The following CHL1 variants were observed in gnomAD, a reference collection of about 807,000 sequenced individuals.
CHL1 encodes the protein neural cell adhesion molecule L1-like protein.
CHL1 carries 96 observed loss-of-function variants against 141.9 expected under a neutral mutation model. The observed-to-expected ratio is 0.68, with a 90% CI of 0.57 to 0.80. The LOEUF is 0.80. Ranked by LOEUF, CHL1 falls within the 30% of genes least tolerant of loss-of-function variation. The probability of loss-of-function intolerance (pLI) is 0.00; values close to 1 mark genes in which losing one functional copy is unlikely to be tolerated. For missense variants in CHL1, 1,820 were observed against 1,457.2 expected (o/e 1.25, Z -4.05); for synonymous variants, 613 against 502.2 (o/e 1.22, Z -2.95).
intron 23 of CHL1, 76 bp from the exon 24 acceptor site, chr3:394,617 G>A (rs1575282716): frequency 2.9e-6 from 3 of 1,050,656 alleles, no homozygotes; most frequent in South Asian, 3.0e-5. Flanking sequence ...CAAGCATAAG[G>A]AGAAATGAAA....
intron 15 of CHL1, 81 bp downstream of exon 15, chr3:366,196 C>T (rs1704855073): frequency 6.0e-6 from 8 of 1,334,230 alleles, no homozygotes; most frequent in Admixed American, 1.9e-5. Flanking sequence ...CTAGGTCGGG[C>T]ATGCTGACTC....
intron 2 of CHL1, among the ~76,000 whole-genome samples, chr3:277,144 A>G (rs1193397926): frequency 6.6e-6 from 1 of 152,186 alleles, no homozygotes; most frequent in African/African-American, 2.4e-5. Context: ...TGTTTGTTAC[A>G]TGAGTATTCA....
chr3:369,364 G>A (rs909099816), intron 15 of CHL1, among the ~76,000 whole-genome samples: 1 of 151,986 alleles, frequency 6.6e-6, no homozygotes, highest in African/African-American at 2.4e-5. Flanking sequence ...TGTAGCAATT[G>A]TGAATGGGAG....
At chr3:259,181 A>G (rs992290971) in intron 2 of CHL1, among the ~76,000 whole-genome samples, 3 of 152,096 alleles carry the variant, frequency 2.0e-5, no homozygotes, top group African/African-American at 7.2e-5. Context: ...TCAGCCTCCA[A>G]AAATGCTGGG....
intron 2 of CHL1, among the ~76,000 whole-genome samples, chr3:309,584 A>G (rs1265576672): frequency 6.7e-6 from 1 of 148,674 alleles, no homozygotes; most frequent in Non-Finnish European, 1.5e-5. Context: ...ATCATAGCTC[A>G]CTCTAGCCCG....
intron 2 of CHL1, among the ~76,000 whole-genome samples, chr3:311,727 G>C (rs1699769209): frequency 6.6e-6 from 1 of 152,206 alleles, no homozygotes; most frequent in African/African-American, 2.4e-5. Context: ...AATGTGAAAA[G>C]TGGTTACCTG....
rs771423332 is a variant in CHL1 at position 382,614 on chromosome 3, G to A, written c.2119G>A (p.Glu707Lys). 2.4e-5 allele frequency: 39 copies of A among 1,613,708 alleles called. No individual in the cohort carries two copies. The highest frequency in any genetic ancestry group is 4.0e-5 in the African/African-American group (3 of 74,888). Residue 707 changes from glutamate to lysine, a missense_variant, in exon 18 of 28, where the codon GAA becomes AAA. Physicochemically the swap from Glu to Lys is moderately conservative, Grantham distance 56 (BLOSUM62 1). Transcript: ENST00000256509. ...RYQFRVIAVNEVGRSQPSQPS... is the reference protein window; with the variant it reads ...RYQFRVIAVNKVGRSQPSQPS... ...CCAGTTCAGGGTCATAGCCGTGAAC[G>A]AAGTAGGGAGAAGTCAGCCTAGCCA...
chr3:402,205 G>C (rs1352922774), intron 27 of CHL1, among the ~76,000 whole-genome samples: 1 of 152,178 alleles, frequency 6.6e-6, no homozygotes, highest in East Asian at 1.9e-4. Context: ...TTTCTGCCCA[G>C]GTAGGATTTT....
intron 13 of CHL1, among the ~76,000 whole-genome samples, chr3:362,605 G>A (rs17527865): frequency 0.028 from 4,020 of 146,160 alleles, 84 homozygotes; most frequent in Non-Finnish European, 0.043. Context: ...TACATGGACC[G>A]CATCCACAGC....
At chr3:254,121 G>C (rs1006851960) in intron 2 of CHL1, among the ~76,000 whole-genome samples, 1 of 152,156 alleles carries the variant, frequency 6.6e-6, no homozygotes, top group African/African-American at 2.4e-5. Context: ...CACTTAACAT[G>C]TTAGCCCTGC....
At chr3:243,903 A>G (rs1003411934) in intron 1 of CHL1, among the ~76,000 whole-genome samples, 16 of 152,208 alleles carry the variant, frequency 1.1e-4, no homozygotes, top group Admixed American at 8.5e-4. Flanking sequence ...CTGATGCCTA[A>G]TAGAAAGTAG....
In CHL1 at chr3:408,308, T is replaced by C. The variant is rs1709658428; in HGVS notation, c.*2597T>C. On this transcript the variant is annotated 3_prime_UTR_variant, in exon 28 of 28. Coordinates refer to ENST00000256509, the MANE Select transcript of CHL1 (RefSeq NM_006614.4). ...TCAATATCATTTTAATGTAATTGAT[T>C]GTATATAGTCTCAAGAATGGTTGGT... The C allele has an allele frequency of 6.6e-6, 1 of 152,076 alleles. No homozygotes were observed. Among genetic ancestry groups the C allele is most frequent in the Non-Finnish European group, 1.5e-5 (1 of 67,996 alleles). 9.4% of individuals were successfully genotyped at this position (152,076 alleles called of 1,614,324 possible).
chr3:384,534 T>G (rs1055013556), intron 19 of CHL1: 2 of 152,206 alleles, frequency 1.3e-5, no homozygotes, highest in African/African-American at 4.8e-5. Context: ...CTTCACCATT[T>G]GAATTTTGCA....
chr3:399,976 C>T (rs1708991284), intron 26 of CHL1, among the ~76,000 whole-genome samples: 1 of 152,180 alleles, frequency 6.6e-6, no homozygotes, highest in Admixed American at 6.5e-5. Flanking sequence ...ACATGAAAAC[C>T]ATCATAGTTG....
chr3:322,170 G>T (rs879485798), intron 3 of CHL1, among the ~76,000 whole-genome samples: 5 of 151,990 alleles, frequency 3.3e-5, no homozygotes, highest in Admixed American at 6.6e-5. Flanking sequence ...CAGAAACAAA[G>T]TAAATGTGAA....
chr3:374,617 G>A (rs1345348782), intron 15 of CHL1, among the ~76,000 whole-genome samples: 1 of 152,216 alleles, frequency 6.6e-6, no homozygotes, highest in Non-Finnish European at 1.5e-5. Flanking sequence ...GACTGAGCAA[G>A]TGACACAGAT....
intron 2 of CHL1, among the ~76,000 whole-genome samples, chr3:254,601 A>G (rs1457026326): frequency 6.6e-6 from 1 of 152,164 alleles, no homozygotes. Context: ...TGCTGCTATA[A>G]TAGAATACCA....
chr3:378,381 G>A (rs575792080), intron 16 of CHL1, among the ~76,000 whole-genome samples: 2 of 152,278 alleles, frequency 1.3e-5, no homozygotes, highest in South Asian at 2.1e-4. Flanking sequence ...AGGGTTCCAG[G>A]AAGGATGGAG....
At chr3:401,584 T>A in intron 26 of CHL1, 42 bp from the exon 27 acceptor site, 1 of 1,125,942 alleles carries the variant, frequency 8.9e-7, no homozygotes, top group Non-Finnish European at 1.3e-6. Flanking sequence ...GTCTTTTAAA[T>A]GGTCACTGTA....
Sources: gnomAD v4.1 joint callset for allele counts (sites outside exome capture counted in the v4.1 genomes callset) on GRCh38, gnomAD v4.1.1 for gene constraint, MANE v1.5 for transcripts, NCBI Gene and HGNC (gene_info 2026-07-23, HGNC 2026-07-21) for gene names.